RELL1: variants seen among roughly 807,000 people sequenced by gnomAD.
The protein encoded by RELL1 is RELT-like protein 1.
A neutral mutation model predicts 23.0 loss-of-function variants in RELL1; 10 were observed. The ratio of observed to expected loss-of-function variants is 0.43; its 90% CI spans 0.27 to 0.74. The LOEUF is 0.74. Ranked by LOEUF, RELL1 falls within the 30% of genes least tolerant of loss-of-function variation. The pLI, the probability that RELL1 is intolerant of heterozygous loss-of-function variation, is 0.19. For missense variants in RELL1, 315 were observed against 364.4 expected (o/e 0.86, Z 1.10); for synonymous variants, 146 against 146.8 (o/e 0.99, Z 0.04).
chr4:37,640,107 AG>A (rs1233079439), intron 3 of RELL1, among the ~76,000 whole-genome samples: 1 of 152,134 alleles, frequency 6.6e-6, no homozygotes, highest in Non-Finnish European at 1.5e-5. Flanking sequence ...TTATCTTCTT[AG>A]GGGACACATT....
intron 1 of RELL1, among the ~76,000 whole-genome samples, chr4:37,683,206 A>G (rs1290083136): frequency 1.3e-5 from 2 of 152,218 alleles, no homozygotes; most frequent in African/African-American, 4.8e-5. Context: ...AGGTTGACTC[A>G]TATTCTATTT....
intron 6 of RELL1, among the ~76,000 whole-genome samples, chr4:37,624,947 T>G (rs923621766): frequency 6.6e-6 from 1 of 152,198 alleles, no homozygotes; most frequent in African/African-American, 2.4e-5. Flanking sequence ...TTAACAGCAG[T>G]GAATGTTTAG....
At chr4:37,610,248 A>G (rs889495397), downstream of RELL1, among the ~76,000 whole-genome samples, 3 of 152,108 alleles carry the variant, frequency 2.0e-5, no homozygotes, top group African/African-American at 7.2e-5. The surrounding 1 kb of genome is among the most constrained non-coding windows in gnomAD (Gnocchi z 4.1). Flanking sequence ...TTTTTTTAGC[A>G]ATAAAAAGTA....
chr4:37,588,868 A>G (rs1357996549), downstream of RELL1: 17 of 1,613,194 alleles, frequency 1.1e-5, no homozygotes, highest in Non-Finnish European at 1.4e-5. Flanking sequence ...AACAATCCAG[A>G]TGGGGTGCAG....
downstream of RELL1, chr4:37,590,127 T>C (rs1452762840): frequency 1.9e-6 from 3 of 1,614,170 alleles, no homozygotes; most frequent in East Asian, 6.7e-5. Context: ...CTCCTGGCTA[T>C]GTCAATGAAG....
rs59763359 is a variant in RELL1, at chr4:37,630,356, G to GTTTTTTTTTTTTTT, written c.*3+1015_*3+1028dup. 2.5e-4 allele frequency among the ~76,000 whole-genome samples: 22 copies of GTTTTTTTTTTTTTT among 86,740 alleles called. 3 individuals carry two copies. Among genetic ancestry groups the GTTTTTTTTTTTTTT allele is most frequent in the African/African-American group, 1.1e-3 (22 of 20,768 alleles). The allele number at this position is 86,740 out of a possible 152,430, so 56.9% of individuals were successfully genotyped here. A position where few individuals can be genotyped will look rare whatever the true frequency, so the allele number is the denominator to read the frequency against. On this transcript the variant is annotated intron_variant, in intron 6 of 6. Transcript: ENST00000454158. ...CAGGGTTCTGGTGCGTGTGTGTGTGGTTTTTTTTTTTTTTTTTTTTTTTTT... is the reference window on the plus strand; with the variant it reads ...CAGGGTTCTGGTGCGTGTGTGTGTGGTTTTTTTTTTTTTTTTTTTTTTTTTTTTTTTTTTTTTTT...
At chr4:37,642,670 G>C (rs938026579) in intron 3 of RELL1, among the ~76,000 whole-genome samples, 1 of 152,168 alleles carries the variant, frequency 6.6e-6, no homozygotes, top group Non-Finnish European at 1.5e-5. Context: ...GCGGTGACTT[G>C]GGGTGGAGCC....
intron 1 of RELL1, among the ~76,000 whole-genome samples, chr4:37,680,118 T>C (rs1256563430): frequency 6.6e-6 from 1 of 152,174 alleles, no homozygotes; most frequent in Admixed American, 6.5e-5. Flanking sequence ...GAAAACAAAA[T>C]CAACCTGATA....
chr4:37,673,085 C>T (rs2109310692), intron 1 of RELL1, among the ~76,000 whole-genome samples: 1 of 151,650 alleles, frequency 6.6e-6, no homozygotes, highest in African/African-American at 2.4e-5. Flanking sequence ...AAGGTATTTA[C>T]TCTAACTTAA....
chr4:37,647,410 C>T lies in RELL1; in HGVS notation c.343G>A (p.Asp115Asn). ...ELNDSVNENS[D>N]TVGQIVHYIM... ...TAGTGGACGATTTGCCCAACAGTGT[C>T]ACTGTTTTCATTCACACTGTCATTC... The change falls in exon 3 of 7, where the codon GAC becomes AAC. Residue 115 changes from aspartate to asparagine, a missense_variant. Transcript: ENST00000454158. The T allele has an allele frequency of 6.2e-7, 1 of 1,613,164 alleles. No homozygotes were observed. The highest frequency in any genetic ancestry group is 8.5e-7 in the Non-Finnish European group (1 of 1,179,202).
At chr4:37,633,596 T>A (rs1309166423) in intron 5 of RELL1, among the ~76,000 whole-genome samples, 5 of 152,164 alleles carry the variant, frequency 3.3e-5, no homozygotes, top group Non-Finnish European at 5.9e-5. Flanking sequence ...GGTCATGAAT[T>A]GTGCTGTTTT....
In RELL1 at chr4:37,686,175, G is replaced by A. The variant is rs769751597; in HGVS notation, c.88+25C>T. ...CCCGGGACCGGGCTCAGCACCCGGC[G>A]CCCCGGCTACGACCGGACACTCACC... On this transcript the variant is annotated intron_variant, in intron 1 of 6. Transcript: ENST00000454158. 5.1e-6 allele frequency: 8 copies of A among 1,554,136 alleles called. No individual in the cohort carries two copies. In the African/African-American group the frequency reaches 9.8e-5, roughly 19 times the overall value.
chr4:37,611,007 C>T lies in RELL1; in HGVS notation c.*2339G>A, dbSNP rs1316075916. Among the ~76,000 whole-genome samples the T allele has an allele frequency of 1.3e-5, 2 of 152,030 alleles. No individual in the cohort carries two copies. Reference sequence around the variant, plus strand: ...ATTTGGAAGCCTGCCAGACAAAAACCGCTCAAGTATTTATTAGAAAATATT... The same window carrying T: ...ATTTGGAAGCCTGCCAGACAAAAACTGCTCAAGTATTTATTAGAAAATATT... On this transcript the variant is annotated 3_prime_UTR_variant, in exon 7 of 7. Transcript: ENST00000454158.
intron 1 of RELL1, among the ~76,000 whole-genome samples, chr4:37,662,906 T>C (rs1721404865): frequency 6.6e-6 from 1 of 152,154 alleles, no homozygotes; most frequent in African/African-American, 2.4e-5. Flanking sequence ...ATGGTTTGCA[T>C]TCAGGATACA....
At chr4:37,640,524 T>C (rs914305372) in intron 3 of RELL1, among the ~76,000 whole-genome samples, 4 of 152,220 alleles carry the variant, frequency 2.6e-5, no homozygotes, top group Non-Finnish European at 5.9e-5. Context: ...TCAGTATCCA[T>C]GCGGGGATGT....
chr4:37,631,191 T>G (rs1720116978), intron 6 of RELL1, among the ~76,000 whole-genome samples, 194 bp downstream of exon 6: 2 of 152,214 alleles, frequency 1.3e-5, no homozygotes, highest in South Asian at 4.1e-4. Flanking sequence ...ACTAAGTTTG[T>G]GACTTCTTTA....
chr4:37,675,421 T>C (rs185108488), intron 1 of RELL1, among the ~76,000 whole-genome samples: 1 of 152,324 alleles, frequency 6.6e-6, no homozygotes, highest in African/African-American at 2.4e-5. Context: ...TAAGTCTCAG[T>C]TTCCACATCT....
exon 7 of RELL1, chr4:37,590,990 AGACT>A (rs1292954441): frequency 8.7e-6 from 14 of 1,609,318 alleles, no homozygotes; most frequent in Non-Finnish European, 9.3e-6. Flanking sequence ...GATTTGGATG[AGACT>A]GATTAGGGGA....
At chr4:37,587,225 T>A, downstream of RELL1, among the ~76,000 whole-genome samples, 1 of 152,170 alleles carries the variant, frequency 6.6e-6, no homozygotes, top group South Asian at 2.1e-4. Flanking sequence ...TTTATTTAAT[T>A]GTATTTAGAG....
Sources: allele counts gnomAD v4.1 joint callset (sites outside exome capture counted in the v4.1 genomes callset), GRCh38; gene constraint gnomAD v4.1.1; non-coding constraint Gnocchi (gnomAD v3.1); transcripts MANE v1.5; gene names NCBI Gene and HGNC (gene_info 2026-07-23, HGNC 2026-07-21).